The following GRM7 variants were observed in gnomAD, a reference collection of about 807,000 sequenced individuals.
GRM7 encodes glutamate metabotropic receptor 7.
GRM7 carries 35 observed loss-of-function variants against 84.5 expected under a neutral mutation model. The ratio of observed to expected loss-of-function variants is 0.41; its 90% CI spans 0.32 to 0.55. GRM7 has a LOEUF of 0.55. Ranked by LOEUF, GRM7 falls within the 20% of genes least tolerant of loss-of-function variation. The probability of loss-of-function intolerance (pLI) is 0.19; values close to 1 mark genes in which losing one functional copy is unlikely to be tolerated. For synonymous variants in GRM7, 487 were observed against 455.1 expected, an observed-to-expected ratio of 1.07 and a Z score of -0.89; for missense variants, 1,003 against 1,194.6, an observed-to-expected ratio of 0.84 and a Z score of 2.36.
At chr3:7,480,279 C>T (rs1347635109) in intron 7 of GRM7, among the ~76,000 whole-genome samples, 1 of 152,158 alleles carries the variant, frequency 6.6e-6, no homozygotes, top group Non-Finnish European at 1.5e-5. Flanking sequence ...AATGTATTTT[C>T]CAGGTTCTAG....
chr3:7,347,327 G>T (rs991929120), intron 4 of GRM7, among the ~76,000 whole-genome samples: 1 of 152,058 alleles, frequency 6.6e-6, no homozygotes, highest in African/African-American at 2.4e-5. Context: ...TTATGTTCTT[G>T]AGCAAAAGGA....
intron 4 of GRM7, among the ~76,000 whole-genome samples, chr3:7,330,245 A>T (rs1701150415): frequency 6.6e-6 from 1 of 152,148 alleles, no homozygotes; most frequent in South Asian, 2.1e-4. Context: ...CATGTTCAAG[A>T]TATACTTGAC....
At chr3:7,308,988 C>T (rs1013763290) in intron 4 of GRM7, among the ~76,000 whole-genome samples, 2 of 152,002 alleles carry the variant, frequency 1.3e-5, no homozygotes, top group Non-Finnish European at 2.9e-5. Context: ...ATTAAGATTC[C>T]AAAGAATGAA....
chr3:6,891,955 C>G (rs1695969820), intron 1 of GRM7, among the ~76,000 whole-genome samples: 2 of 152,122 alleles, frequency 1.3e-5, no homozygotes, highest in South Asian at 2.1e-4. Flanking sequence ...TTTCTGTAAA[C>G]TTCCCTTCTC....
chr3:6,899,876 C>T (rs1377189815), intron 1 of GRM7, among the ~76,000 whole-genome samples: 1 of 152,096 alleles, frequency 6.6e-6, no homozygotes, highest in African/African-American at 2.4e-5. Context: ...TCCAAGGTCA[C>T]ACATTTAATT....
intron 1 of GRM7, among the ~76,000 whole-genome samples, chr3:6,918,393 A>G (rs1049438443): frequency 6.6e-6 from 1 of 152,160 alleles, no homozygotes; most frequent in Non-Finnish European, 1.5e-5. Context: ...CTGGTGAGGT[A>G]TTTAGGTTGG....
intron 1 of GRM7, among the ~76,000 whole-genome samples, chr3:7,133,064 G>T (rs1317505894): frequency 6.6e-6 from 1 of 151,818 alleles, no homozygotes; most frequent in African/African-American, 2.4e-5. Context: ...AGAAGTTCCT[G>T]GCTGTGTCCA....
intron 1 of GRM7, among the ~76,000 whole-genome samples, chr3:7,077,465 TG>T (rs1461348056): frequency 6.7e-6 from 1 of 150,340 alleles, no homozygotes; most frequent in Non-Finnish European, 1.5e-5. Context: ...AGCAAACTAA[TG>T]CAGGAACAGA....
At chr3:6,898,201 T>G (rs140476318) in intron 1 of GRM7, among the ~76,000 whole-genome samples, 235 of 152,260 alleles carry the variant, frequency 1.5e-3, no homozygotes, top group Non-Finnish European at 2.7e-3. Flanking sequence ...CGTTCTCATG[T>G]GATGGCCATT....
intron 2 of GRM7, among the ~76,000 whole-genome samples, chr3:7,218,051 G>T (rs1696673717): frequency 6.6e-6 from 1 of 151,922 alleles, no homozygotes; most frequent in African/African-American, 2.4e-5. Flanking sequence ...AAATAACAAG[G>T]TTATCTTTTA....
chr3:7,633,044 T>C (rs970557535), intron 8 of GRM7, among the ~76,000 whole-genome samples: 1 of 152,270 alleles, frequency 6.6e-6, no homozygotes, highest in Non-Finnish European at 1.5e-5. Context: ...TGTGGATTGA[T>C]GCTTACTCTG....
At chr3:7,264,549 A>G (rs928500090) in intron 2 of GRM7, among the ~76,000 whole-genome samples, 11 of 94 alleles carry the variant, frequency 0.12, no homozygotes, top group African/African-American at 0.18. Context: ...TGGTAGCCCC[A>G]TGCAGGAGTT....
intron 1 of GRM7, among the ~76,000 whole-genome samples, chr3:6,917,363 G>C (rs1299760844): frequency 1.0e-5 from 1 of 99,592 alleles, no homozygotes; most frequent in Non-Finnish European, 1.8e-5. Context: ...TTTCATATAA[G>C]GTTAAATAAA....
chr3:7,023,758 T>C (rs539339204), intron 1 of GRM7, among the ~76,000 whole-genome samples: 1 of 152,170 alleles, frequency 6.6e-6, no homozygotes, highest in Non-Finnish European at 1.5e-5. Flanking sequence ...AGACCCATCT[T>C]AATTACCTCT....
chr3:7,621,700 A>T (rs941124583), intron 8 of GRM7, among the ~76,000 whole-genome samples: 29 of 152,118 alleles, frequency 1.9e-4, no homozygotes, highest in Admixed American at 5.9e-4. Context: ...AAATATATGA[A>T]ATTTCACATG....
chr3:7,376,298 T>G lies in GRM7; in HGVS notation c.1034-38725T>G, dbSNP rs115070933. ...TATTCTCACTTGCTAGTTTCTGCTC[T>G]GTGGCTGCAAGTACTCTGCTGACTG... On this transcript the variant is annotated intron_variant, in intron 4 of 9. Coordinates refer to ENST00000357716, the MANE Select transcript of GRM7 (RefSeq NM_000844.4). Among the ~76,000 whole-genome samples, 1,026 of 152,278 alleles carry G rather than the reference T, an allele frequency of 6.7e-3. 11 individuals carry two copies. The highest frequency in any genetic ancestry group is 0.024 in the African/African-American group (981 of 41,570).
chr3:7,291,538 C>G (rs1450808896), intron 2 of GRM7, among the ~76,000 whole-genome samples: 2 of 99,814 alleles, frequency 2.0e-5, no homozygotes, highest in Non-Finnish European at 4.4e-5. Context: ...CTCTCTCTCT[C>G]TCTCTCTCTC....
In GRM7 at chr3:7,112,682, C is replaced by T. The variant is rs377269355; in HGVS notation, c.520-33770C>T. On this transcript the variant is annotated intron_variant, in intron 1 of 9. Transcript: ENST00000357716. ...TCACTTGGCTTGTGCTCCATCATGG[C>T]CATGACTGTCATCACTTCAATTAAG... Among the ~76,000 whole-genome samples, 21 of 152,240 alleles carry T rather than the reference C, an allele frequency of 1.4e-4. No homozygotes were observed. In the East Asian group the frequency reaches 2.9e-3, roughly 21 times the overall value.
intron 4 of GRM7, among the ~76,000 whole-genome samples, chr3:7,389,640 G>A (rs558772439): frequency 6.6e-6 from 1 of 151,804 alleles, no homozygotes; most frequent in Non-Finnish European, 1.5e-5. Flanking sequence ...TCTGTTATTG[G>A]TTTAAAGTCT....
Sources: allele counts gnomAD v4.1 joint callset (sites outside exome capture counted in the v4.1 genomes callset), GRCh38; gene constraint gnomAD v4.1.1; transcripts MANE v1.5; gene names NCBI Gene and HGNC (gene_info 2026-07-23, HGNC 2026-07-21).